ACSBG2: variants seen among roughly 807,000 people sequenced by gnomAD.
The protein encoded by ACSBG2 is acyl-CoA synthetase bubblegum family member 2, also known as long-chain-fatty-acid--CoA ligase ACSBG2.
A neutral mutation model predicts 74.7 loss-of-function variants in ACSBG2; 62 were observed. The ratio of observed to expected loss-of-function variants is 0.83; its 90% CI spans 0.68 to 1.03. The LOEUF (loss-of-function observed/expected upper bound fraction) is 1.03, where lower values mean the gene tolerates loss of function less well. Among genes scored for constraint, ACSBG2 ranks in the 50% least tolerant of loss-of-function variants. The pLI, the probability that ACSBG2 is intolerant of heterozygous loss-of-function variation, is 0.00. For missense variants in ACSBG2, 730 were observed against 817.6 expected (o/e 0.89, Z 1.31); for synonymous variants, 309 against 294.1 (o/e 1.05, Z -0.52).
chr19:6,187,789 G>C lies in ACSBG2; in HGVS notation c.1871G>C (p.Arg624Thr). 1 of 1,614,022 alleles carries C rather than the reference G, an allele frequency of 6.2e-7. No individual in the cohort carries two copies. The highest frequency in any genetic ancestry group is 8.5e-7 in the Non-Finnish European group (1 of 1,180,026). Reference sequence around the variant, plus strand: ...CAGGAAGCCATGAACAATGCACAGAGGATTGAAAAGTGGGTCATCTTGGAG... The same window carrying C: ...CAGGAAGCCATGAACAATGCACAGACGATTGAAAAGTGGGTCATCTTGGAG... ...VNQEAMNNAQ[R>T]IEKWVILEKD... The change falls in exon 13 of 15, where the codon AGG becomes ACG. Residue 624 changes from arginine to threonine, a missense_variant. Transcript: ENST00000588485.
intron 2 of ACSBG2, among the ~76,000 whole-genome samples, chr19:6,144,121 C>T (rs1012801729): frequency 3.3e-5 from 5 of 152,176 alleles, no homozygotes; most frequent in Non-Finnish European, 5.9e-5. Flanking sequence ...CCTCAGCCTC[C>T]AGAGTAGCTG....
At chr19:6,190,420 T>G in intron 13 of ACSBG2, 164 bp from the exon 14 acceptor site, 1 of 592,150 alleles carries the variant, frequency 1.7e-6, no homozygotes, top group Non-Finnish European at 3.1e-6. Context: ...ATGGAAGTTT[T>G]ATCATCCCCA....
intron 4 of ACSBG2, among the ~76,000 whole-genome samples, chr19:6,154,884 G>A (rs1467470323): frequency 6.6e-6 from 1 of 152,116 alleles, no homozygotes; most frequent in Admixed American, 6.6e-5. Flanking sequence ...TGCAGTGATT[G>A]GGCTCTGGTG....
chr19:6,146,684 G>C (rs570751129), intron 2 of ACSBG2, among the ~76,000 whole-genome samples: 13 of 152,256 alleles, frequency 8.5e-5, no homozygotes, highest in African/African-American at 2.4e-4. Flanking sequence ...AAAAACGCTT[G>C]AACCCGGGAG....
At chr19:6,154,403 A>AGAGAGAGG (rs937499085) in intron 4 of ACSBG2, among the ~76,000 whole-genome samples, 1 of 4,788 alleles carries the variant, frequency 2.1e-4, no homozygotes, top group Non-Finnish European at 3.2e-3. Flanking sequence ...CGTCTCAAAA[A>AGAGAGAGG]GAGAGAGAGA....
chr19:6,162,638 GTC>G lies in ACSBG2; in HGVS notation c.588+1346_588+1347del, dbSNP rs200583840. On this transcript the variant is annotated intron_variant, in intron 6 of 14. Coordinates refer to ENST00000588485, the MANE Select transcript of ACSBG2 (RefSeq NM_030924.5). ...GTGACCACTACAGCAACAGTCTTAA[GTC>G]TCGGATAACTTAAAAGACTACTTTG... is the stretch of plus-strand genomic sequence containing the variant. Among the ~76,000 whole-genome samples, 1,227 of 150,398 alleles carry G rather than the reference GTC, an allele frequency of 8.2e-3. 9 individuals carry two copies. The highest frequency in any genetic ancestry group is 0.011 in the East Asian group (58 of 5,088).
intron 6 of ACSBG2, 135 bp from the exon 7 acceptor site, chr19:6,165,731 G>A: frequency 2.9e-6 from 3 of 1,051,630 alleles, no homozygotes; most frequent in Non-Finnish European, 4.1e-6. Flanking sequence ...TGTAAGAGGT[G>A]CCAGGACTGG....
intron 2 of ACSBG2, among the ~76,000 whole-genome samples, chr19:6,142,395 C>T (rs2088874958): frequency 6.6e-6 from 1 of 152,040 alleles, no homozygotes; most frequent in Admixed American, 6.6e-5. Flanking sequence ...GGTGGGACCT[C>T]GAACCCAGCC....
intron 13 of ACSBG2, among the ~76,000 whole-genome samples, chr19:6,188,330 G>A (rs895910427): frequency 8.6e-5 from 13 of 150,720 alleles, no homozygotes; most frequent in Non-Finnish European, 1.8e-4. Flanking sequence ...GAGACAGCAG[G>A]GGATGCAGCA....
chr19:6,148,527 T>G (rs1045944221), intron 3 of ACSBG2, among the ~76,000 whole-genome samples: 1 of 151,990 alleles, frequency 6.6e-6, no homozygotes, highest in South Asian at 2.1e-4. Flanking sequence ...ATGCCTGTAG[T>G]CCCAGCTATC....
chr19:6,165,729 G>A, intron 6 of ACSBG2, 137 bp from the exon 7 acceptor site: 2 of 1,022,686 alleles, frequency 2.0e-6, no homozygotes, highest in Admixed American at 2.6e-5. Context: ...TTTGTAAGAG[G>A]TGCCAGGACT....
At chr19:6,163,639 G>T (rs2089699730) in intron 6 of ACSBG2, among the ~76,000 whole-genome samples, 1 of 151,768 alleles carries the variant, frequency 6.6e-6, no homozygotes, top group South Asian at 2.1e-4. Context: ...TACTCAGGAG[G>T]CTGAGAGAGG....
In ACSBG2 at chr19:6,156,302, A is replaced by T. The variant is rs140431268; in HGVS notation, c.387-129A>T. The T allele has an allele frequency of 2.3e-4, 215 of 940,672 alleles. 1 individual carries two copies. The African/African-American group carries it at 3.5e-3, about 15-fold the overall frequency. 58.3% of individuals were successfully genotyped at this position (940,672 alleles called of 1,614,324 possible). A position where few individuals can be genotyped will look rare whatever the true frequency, so the allele number is the denominator to read the frequency against. On this transcript the variant is annotated intron_variant, in intron 4 of 14. Transcript: ENST00000588485. ...TTCATCATTGTTAAGTTGGGGAGGA[A>T]GGGAAGCTGGTGCTGTGGCTGCAAA...
At chr19:6,141,315 G>A (rs2088820594) in intron 1 of ACSBG2, among the ~76,000 whole-genome samples, 198 bp from the exon 2 acceptor site, 2 of 152,036 alleles carry the variant, frequency 1.3e-5, no homozygotes, top group Admixed American at 1.3e-4. Flanking sequence ...TAAACTCACA[G>A]ATTGAATACC....
intron 8 of ACSBG2, among the ~76,000 whole-genome samples, chr19:6,181,819 C>CCCG (rs1555696894): frequency 4.9e-5 from 6 of 121,782 alleles, no homozygotes; most frequent in Admixed American, 8.7e-5. Context: ...ACCCGCCCCC[C>CCCG]CCCCCAACGA....
At chr19:6,167,975 T>TC (rs1187331691) in intron 7 of ACSBG2, among the ~76,000 whole-genome samples, 64 of 20,146 alleles carry the variant, frequency 3.2e-3, no homozygotes, top group African/African-American at 0.013. Context: ...ACTCCCACCC[T>TC]CACCCCCACC....
Position 6,180,798 on chromosome 19 carries a change from G to C in ACSBG2, c.907-1953G>C, listed in dbSNP as rs1327624260. Among the ~76,000 whole-genome samples, 1 of 152,158 alleles carries C rather than the reference G, an allele frequency of 6.6e-6. No individual in the cohort carries two copies. The highest frequency in any genetic ancestry group is 1.5e-5 in the Non-Finnish European group (1 of 68,032). ...TTAATGATAGTGAGCATCTCTTCAT[G>C]TGTTTATTGACCATTTACATATCTT... On this transcript the variant is annotated intron_variant, in intron 8 of 14. Coordinates refer to ENST00000588485, the MANE Select transcript of ACSBG2 (RefSeq NM_030924.5). The surrounding 1 kb of genome is among the most constrained non-coding windows in gnomAD (Gnocchi z 4.3).
At chr19:6,170,484 CTTTAA>C (rs962000691) in intron 7 of ACSBG2, among the ~76,000 whole-genome samples, 7 of 152,036 alleles carry the variant, frequency 4.6e-5, no homozygotes, top group Non-Finnish European at 8.8e-5. Context: ...TTTATTGCTT[CTTTAA>C]TTTGTTTACC....
chr19:6,159,333 A>T lies in ACSBG2; in HGVS notation c.508-1882A>T, dbSNP rs538728524. On this transcript the variant is annotated intron_variant, in intron 5 of 14. Transcript: ENST00000588485. ...GTTTGTCCTCTTCCTAGCAGAACACACTATGGGGTGGGTGCTGGTGGGTGG... is the reference window on the plus strand; with the variant it reads ...GTTTGTCCTCTTCCTAGCAGAACACTCTATGGGGTGGGTGCTGGTGGGTGG... 8.8e-4 allele frequency among the ~76,000 whole-genome samples: 134 copies of T among 151,900 alleles called. 1 individual carries two copies. Among genetic ancestry groups the T allele is most frequent in the African/African-American group, 3.1e-3 (129 of 41,486 alleles).
Sources: allele counts gnomAD v4.1 joint callset (sites outside exome capture counted in the v4.1 genomes callset), GRCh38; gene constraint gnomAD v4.1.1; non-coding constraint Gnocchi (gnomAD v3.1); transcripts MANE v1.5; gene names NCBI Gene and HGNC (gene_info 2026-07-23, HGNC 2026-07-21).